Variants in DEPTOR observed in about 807,000 individuals in gnomAD.
The protein encoded by DEPTOR is DEP domain-containing mTOR-interacting protein.
Under a neutral mutation model 41.6 loss-of-function variants are expected in DEPTOR, and 41 were observed. The observed-to-expected ratio is 0.98, with a 90% CI of 0.77 to 1.28. DEPTOR has a LOEUF of 1.28. DEPTOR is among the 50% of genes most tolerant of loss of function. The probability of loss-of-function intolerance (pLI) is 0.00; values close to 1 mark genes in which losing one functional copy is unlikely to be tolerated. For synonymous variants in DEPTOR, 195 were observed against 192.3 expected, an observed-to-expected ratio of 1.01 and a Z score of -0.12; for missense variants, 514 against 527.9, an observed-to-expected ratio of 0.97 and a Z score of 0.26.
chr8:119,883,595 G>A (rs1000983939), intron 1 of DEPTOR, among the ~76,000 whole-genome samples: 2 of 151,978 alleles, frequency 1.3e-5, no homozygotes, highest in African/African-American at 2.4e-5. Context: ...GGGGAAGCCC[G>A]TGGCAGCTGC....
rs141698496 is a variant in DEPTOR, at chr8:120,029,396, T to G, written c.1102-20180T>G. Among the ~76,000 whole-genome samples, 5 of 152,198 alleles carry G rather than the reference T, an allele frequency of 3.3e-5. No homozygotes were observed. In the East Asian group the frequency reaches 9.7e-4, roughly 29 times the overall value. ...TGAGTCTTGAGTTTTATTTTATTTA[T>G]TTATTTATTTATTTATTGAGACGGA... On this transcript the variant is annotated intron_variant, in intron 8 of 8. Transcript: ENST00000286234.
chr8:120,046,341 C>T (rs1813152593), intron 8 of DEPTOR, among the ~76,000 whole-genome samples: 1 of 151,970 alleles, frequency 6.6e-6, no homozygotes, highest in Non-Finnish European at 1.5e-5. Flanking sequence ...TTACCAACCA[C>T]TTCCATGCCC....
chr8:119,924,616 G>C (rs1204426303), intron 1 of DEPTOR, among the ~76,000 whole-genome samples: 3 of 151,990 alleles, frequency 2.0e-5, no homozygotes, highest in Non-Finnish European at 4.4e-5. Context: ...CATTTCAATG[G>C]GTGGAGAGTA....
chr8:120,008,974 T>G (rs1354384472), intron 7 of DEPTOR, 55 bp from the exon 8 acceptor site: 2 of 1,563,126 alleles, frequency 1.3e-6, no homozygotes, highest in East Asian at 2.2e-5. Context: ...CTCAGAAGAA[T>G]AAGCAAATTG....
chr8:119,897,311 G>A (rs1470247297), intron 1 of DEPTOR, among the ~76,000 whole-genome samples: 2 of 152,250 alleles, frequency 1.3e-5, no homozygotes, highest in African/African-American at 4.8e-5. Flanking sequence ...GAGGTGGGCA[G>A]ATCACGAAGT....
rs1383459158 is a variant in DEPTOR at position 119,921,758 on chromosome 8, TTGTTTGTTTGTTTG to T, written c.123-6640_123-6627del. Among the ~76,000 whole-genome samples the T allele has an allele frequency of 3.7e-4, 54 of 145,726 alleles. 1 individual carries two copies. Among genetic ancestry groups the T allele is most frequent in the African/African-American group, 1.3e-3 (48 of 37,332 alleles). On this transcript the variant is annotated intron_variant, in intron 1 of 8. Transcript: ENST00000286234. ...AGGTTCTATTCTGTAGTTTTTTTTT[TTGTTTGTTTGTTTG>T]TTTTTTGAAACAGGGTCTTGCTCTG...
intron 8 of DEPTOR, among the ~76,000 whole-genome samples, chr8:120,045,609 G>C (rs1813143036): frequency 6.6e-6 from 1 of 152,084 alleles, no homozygotes; most frequent in Admixed American, 6.6e-5. Flanking sequence ...TCCTGAGCTC[G>C]AGTGATCCGC....
At chr8:120,027,234 A>AAATAAT (rs10529651) in intron 8 of DEPTOR, among the ~76,000 whole-genome samples, 18,648 of 145,018 alleles carry the variant, frequency 0.13, 1,677 homozygotes, top group African/African-American at 0.24. Flanking sequence ...AATAAAAATA[A>AAATAAT]AATAATAATA....
intron 3 of DEPTOR, among the ~76,000 whole-genome samples, chr8:119,944,407 G>T (rs996267739): frequency 2.0e-5 from 3 of 152,160 alleles, no homozygotes; most frequent in African/African-American, 4.8e-5. Context: ...ATGGAATATG[G>T]CTGGATTATA....
At chr8:120,010,687 G>A (rs1441691429) in intron 8 of DEPTOR, among the ~76,000 whole-genome samples, 3 of 151,842 alleles carry the variant, frequency 2.0e-5, no homozygotes, top group East Asian at 3.9e-4. Flanking sequence ...ATGCAAGCAG[G>A]AAAAAAATTA....
intron 4 of DEPTOR, among the ~76,000 whole-genome samples, chr8:119,984,736 C>T (rs1828808922): frequency 6.6e-6 from 1 of 152,162 alleles, no homozygotes; most frequent in South Asian, 2.1e-4. Context: ...CATACGTGTG[C>T]ATGTGTCTTT....
In DEPTOR at chr8:120,026,542, C is replaced by T. The variant is rs113515865; in HGVS notation, c.1101+17409C>T. 1.1e-3 allele frequency among the ~76,000 whole-genome samples: 170 copies of T among 152,116 alleles called. 1 individual carries two copies. The highest frequency in any genetic ancestry group is 1.9e-3 in the African/African-American group (80 of 41,504). ...ATTTTTAGTAGAGACAGGGTTTCAC[C>T]ATGTTGGACAGGCTGGTGTCGAACT... On this transcript the variant is annotated intron_variant, in intron 8 of 8. Transcript: ENST00000286234.
intron 1 of DEPTOR, among the ~76,000 whole-genome samples, chr8:119,887,108 C>T (rs1827374767): frequency 3.8e-5 from 1 of 26,258 alleles, no homozygotes; most frequent in Non-Finnish European, 7.3e-5. Context: ...CTTCCCCTTC[C>T]CCTCCCCTCC....
intron 3 of DEPTOR, among the ~76,000 whole-genome samples, chr8:119,937,231 C>A (rs975662370): frequency 1.3e-5 from 2 of 151,912 alleles, no homozygotes; most frequent in African/African-American, 4.8e-5. Context: ...GAAACCCAGT[C>A]TCTACTAAAA....
chr8:119,873,989 G>A (rs571643587), intron 1 of DEPTOR, 21 bp downstream of exon 1: 1 of 1,612,680 alleles, frequency 6.2e-7, no homozygotes, highest in East Asian at 2.2e-5. Flanking sequence ...AGACACAGCG[G>A]GTGAGCTCAC....
chr8:119,956,732 T>G (rs1828422510), intron 3 of DEPTOR, among the ~76,000 whole-genome samples: 1 of 108,206 alleles, frequency 9.2e-6, no homozygotes, highest in Non-Finnish European at 2.0e-5. Context: ...TTTTTGTTTT[T>G]TTTTTTTGTT....
chr8:119,984,522 G>A (rs1405105184), intron 4 of DEPTOR, among the ~76,000 whole-genome samples: 1 of 152,028 alleles, frequency 6.6e-6, no homozygotes, highest in Non-Finnish European at 1.5e-5. Context: ...TGCAGTGTTT[G>A]GTTTTCTGTT....
intron 6 of DEPTOR, among the ~76,000 whole-genome samples, 170 bp from the exon 7 acceptor site, chr8:120,006,635 G>A (rs544517371): frequency 2.4e-4 from 37 of 151,292 alleles, no homozygotes; most frequent in Non-Finnish European, 4.0e-4. Flanking sequence ...GGTTATTTAT[G>A]TTTGCTGCTA....
At chr8:119,927,307 A>T (rs1827975821) in intron 1 of DEPTOR, among the ~76,000 whole-genome samples, 1 of 152,132 alleles carries the variant, frequency 6.6e-6, no homozygotes, top group South Asian at 2.1e-4. Context: ...TATTGGTATT[A>T]GTAACAGATA....
Sources: gnomAD v4.1 joint callset for allele counts (sites outside exome capture counted in the v4.1 genomes callset) on GRCh38, gnomAD v4.1.1 for gene constraint, MANE v1.5 for transcripts, NCBI Gene and HGNC (gene_info 2026-07-23, HGNC 2026-07-21) for gene names.